The following LSG1 variants were observed in gnomAD, a reference collection of about 807,000 sequenced individuals.
LSG1 encodes large subunit GTPase 1 homolog.
LSG1 carries 55 observed loss-of-function variants against 82.6 expected under a neutral mutation model. The observed-to-expected ratio is 0.67, with a 90% CI of 0.54 to 0.83. The LOEUF (loss-of-function observed/expected upper bound fraction) is 0.83. Among genes scored for constraint, LSG1 ranks in the 40% least tolerant of loss-of-function variants. The pLI is 0.00. For missense variants in LSG1, 809 were observed against 807.9 expected (o/e 1.00, Z -0.02); for synonymous variants, 272 against 282.5 (o/e 0.96, Z 0.37).
intron 4 of LSG1, 81 bp from the exon 5 acceptor site, chr3:194,665,724 C>A: frequency 1.3e-6 from 1 of 746,224 alleles, no homozygotes; most frequent in South Asian, 1.7e-5. Context: ...AAATTTATTA[C>A]ATTAAAAATA....
intron 8 of LSG1, 130 bp from the exon 9 acceptor site, chr3:194,651,346 CTG>C (rs1718670750): frequency 4.5e-6 from 3 of 668,900 alleles, no homozygotes; most frequent in Non-Finnish European, 7.9e-6. Flanking sequence ...GAAATCCATG[CTG>C]TGTTTGTTGA....
intron 5 of LSG1, 49 bp from the exon 6 acceptor site, chr3:194,660,182 T>G (rs1251321303): frequency 6.9e-7 from 1 of 1,440,196 alleles, no homozygotes; most frequent in African/African-American, 1.4e-5. Context: ...TGAAAGGGAT[T>G]TTACTAACCA....
intron 12 of LSG1, among the ~76,000 whole-genome samples, chr3:194,645,893 T>C (rs1577251142): frequency 6.6e-6 from 1 of 152,242 alleles, no homozygotes; most frequent in South Asian, 2.1e-4. Context: ...ACTGTGACAA[T>C]AGTTGCAATC....
Position 194,641,975 on chromosome 3 carries a change from T to C in LSG1, c.*93A>G. 7.2e-7 allele frequency: 1 copy of C among 1,380,488 alleles called. No homozygotes were observed. Among genetic ancestry groups the C allele is most frequent in the Non-Finnish European group, 1.0e-6 (1 of 997,766 alleles). 85.5% of individuals were successfully genotyped at this position (1,380,488 alleles called of 1,614,324 possible). On this transcript the variant is annotated 3_prime_UTR_variant, in exon 14 of 14. Coordinates refer to ENST00000265245, the MANE Select transcript of LSG1 (RefSeq NM_018385.3). ...TGCAAGAGCAGGGCCCGTTCTACAG[T>C]GCTAGTGTCTTGGGACGGTTCCACA...
Position 194,652,897 on chromosome 3 carries a change from G to A in LSG1, c.1005C>T (p.Asp335=). The change falls in exon 8 of 14, where the codon GAC becomes GAT. Residue 335 remains aspartate, a synonymous_variant. Transcript: ENST00000265245. ...DGPKEEDCSQ[D]WKESSTADSE... is the part of the protein sequence containing the mutation. ...AATCTGCAGTAGAGCTTTCCTTCCAGTCCTGGCTGCAGTCCTCTTCCTTGG... is the reference window on the plus strand; with the variant it reads ...AATCTGCAGTAGAGCTTTCCTTCCAATCCTGGCTGCAGTCCTCTTCCTTGG... 1.2e-6 allele frequency: 2 copies of A among 1,614,092 alleles called. No individual in the cohort carries two copies. The highest frequency in any genetic ancestry group is 1.7e-6 in the Non-Finnish European group (2 of 1,180,036).
At chr3:194,657,234 A>G (rs1004684454) in intron 7 of LSG1, among the ~76,000 whole-genome samples, 2 of 151,942 alleles carry the variant, frequency 1.3e-5, no homozygotes, top group African/African-American at 4.8e-5. Flanking sequence ...AGTCCACAAA[A>G]GATCACAGAG....
chr3:194,667,942 A>AAAAAAAAT (rs1416407494), intron 2 of LSG1, among the ~76,000 whole-genome samples: 8 of 86,952 alleles, frequency 9.2e-5, no homozygotes, highest in Admixed American at 3.1e-4. Context: ...AAAAAAAAAA[A>AAAAAAAAT]ATATATATAT....
intron 1 of LSG1, among the ~76,000 whole-genome samples, chr3:194,670,452 T>C (rs557599457): frequency 1.3e-5 from 2 of 152,334 alleles, no homozygotes; most frequent in African/African-American, 4.8e-5. Context: ...CAGGTAGAAC[T>C]TGAACCCAGA....
rs1204365625 is a variant in LSG1, at chr3:194,644,586, GTT to G, written c.1782_1783del (p.Lys594AsnfsTer36). Reference sequence around the variant, plus strand: ...TTTAAAACTTACTTGATGGAAAAAAGTTTTGTCAACGATATTTTCAATCTGCT... The same window carrying G: ...TTTAAAACTTACTTGATGGAAAAAAGTTGTCAACGATATTTTCAATCTGCT... On this transcript the variant is annotated frameshift_variant, in exon 13 of 14. Transcript: ENST00000265245. LOFTEE classifies it high-confidence loss of function. The G allele has an allele frequency of 6.2e-7, 1 of 1,610,164 alleles. No individual in the cohort carries two copies. The highest frequency in any genetic ancestry group is 1.7e-5 in the Admixed American group (1 of 59,478).
chr3:194,667,942 A>AAAAAAAAAAAAT (rs1416407494), intron 2 of LSG1, among the ~76,000 whole-genome samples: 6 of 86,960 alleles, frequency 6.9e-5, no homozygotes, highest in African/African-American at 1.4e-4. Flanking sequence ...AAAAAAAAAA[A>AAAAAAAAAAAAT]ATATATATAT....
intron 2 of LSG1, 34 bp downstream of exon 2, chr3:194,669,973 GAC>G (rs773750101): frequency 1.1e-4 from 181 of 1,585,264 alleles, no homozygotes; most frequent in Non-Finnish European, 1.5e-4. Flanking sequence ...ATGGAAATGT[GAC>G]AGTCTCACCT....
intron 5 of LSG1, among the ~76,000 whole-genome samples, chr3:194,661,703 T>C (rs1051728265): frequency 6.6e-6 from 1 of 152,208 alleles, no homozygotes; most frequent in African/African-American, 2.4e-5. Context: ...TCAATAAATA[T>C]TTCCCATTCA....
intron 11 of LSG1, among the ~76,000 whole-genome samples, chr3:194,647,731 C>G (rs74995493): frequency 0.045 from 6,860 of 152,242 alleles, 514 homozygotes; most frequent in African/African-American, 0.16. Flanking sequence ...TAACATCCTG[C>G]AGGGAGATCT....
At chr3:194,657,768 G>A (rs1675951) in intron 7 of LSG1, among the ~76,000 whole-genome samples, 93,508 of 151,966 alleles carry the variant, frequency 0.62, 30,329 homozygotes, top group East Asian at 0.87. Flanking sequence ...GGAGAGAACC[G>A]AAGGGACAAA....
In LSG1 at chr3:194,652,823, A is replaced by G; in HGVS notation, c.1079T>C (p.Phe360Ser). ...KTPQKRQIHN[F>S]SHLVSKQELL... The stretch of plus-strand genomic sequence containing the variant: ...CTCCTGCTTGGATACCAGATGGCTA[A>G]AATTGTGTATCTGCCTCTTCTGTGG... Residue 360 changes from phenylalanine (F) to serine (S), a missense_variant, in exon 8 of 14, where the codon TTT becomes TCT. Transcript: ENST00000265245. 6.2e-7 allele frequency: 1 copy of G among 1,614,056 alleles called. No individual in the cohort carries two copies. The highest frequency in any genetic ancestry group is 8.5e-7 in the Non-Finnish European group (1 of 1,180,014).
At chr3:194,668,671 A>T (rs1397758545) in intron 2 of LSG1, among the ~76,000 whole-genome samples, 1 of 152,082 alleles carries the variant, frequency 6.6e-6, no homozygotes, top group Non-Finnish European at 1.5e-5. Flanking sequence ...CAGTCTCCTA[A>T]CTCATCTTGC....
chr3:194,646,678 G>A (rs961210662), intron 11 of LSG1, among the ~76,000 whole-genome samples: 32 of 152,048 alleles, frequency 2.1e-4, no homozygotes, highest in Non-Finnish European at 1.8e-4. Flanking sequence ...ATGCCACCAC[G>A]CCTGGCTACT....
chr3:194,662,344 T>C (rs1718950903), intron 5 of LSG1, among the ~76,000 whole-genome samples: 1 of 152,198 alleles, frequency 6.6e-6, no homozygotes, highest in African/African-American at 2.4e-5. Flanking sequence ...GGGAAAGAGT[T>C]GCCATAGGGC....
chr3:194,644,830 T>C, intron 12 of LSG1, 84 bp from the exon 13 acceptor site: 1 of 1,106,850 alleles, frequency 9.0e-7, no homozygotes, highest in Non-Finnish European at 1.2e-6. Context: ...AGTCACACTC[T>C]GATGGAGCTT....
Sources: gnomAD v4.1 joint callset for allele counts (sites outside exome capture counted in the v4.1 genomes callset) on GRCh38, gnomAD v4.1.1 for gene constraint, MANE v1.5 for transcripts, NCBI Gene and HGNC (gene_info 2026-07-23, HGNC 2026-07-21) for gene names.